Variants in CSNK1G3 observed in about 807,000 individuals in gnomAD.
The protein encoded by CSNK1G3 is casein kinase I isoform gamma-3.
In CSNK1G3, 23 loss-of-function variants were observed where a neutral mutation model predicts 64.3. The ratio of observed to expected loss-of-function variants is 0.36; its 90% CI spans 0.26 to 0.51. CSNK1G3 has a LOEUF of 0.51. Among genes scored for constraint, CSNK1G3 ranks in the 20% least tolerant of loss-of-function variants. The probability of loss-of-function intolerance (pLI) is 0.96; values close to 1 mark genes in which losing one functional copy is unlikely to be tolerated. For missense variants in CSNK1G3, 357 were observed against 510.5 expected (o/e 0.70, Z 2.90); for synonymous variants, 158 against 162.2 (o/e 0.97, Z 0.20).
intron 5 of CSNK1G3, among the ~76,000 whole-genome samples, chr5:123,575,247 T>A (rs573507833): frequency 6.6e-6 from 1 of 152,310 alleles, no homozygotes; most frequent in East Asian, 1.9e-4. Flanking sequence ...AAACATGTTA[T>A]GAAAAAGAAA....
intron 1 of CSNK1G3, among the ~76,000 whole-genome samples, chr5:123,534,695 G>A (rs1260336536): frequency 6.6e-6 from 1 of 152,140 alleles, no homozygotes; most frequent in Non-Finnish European, 1.5e-5. Flanking sequence ...GAGCTTGGAA[G>A]AGGATTTTTT....
At chr5:123,575,805 G>T in exon 6 of CSNK1G3, 2 of 1,613,448 alleles carry the variant, frequency 1.2e-6, no homozygotes, top group South Asian at 1.1e-5. Context: ...TTAATAGGAC[G>T]ACCAGGAAAC....
At chr5:123,526,742 G>C (rs1301591447) in intron 1 of CSNK1G3, among the ~76,000 whole-genome samples, 1 of 152,060 alleles carries the variant, frequency 6.6e-6, no homozygotes, top group African/African-American at 2.4e-5. Context: ...GCGAGTGTCA[G>C]TGGTTTCTTT....
chr5:123,612,062 C>G (rs1359063704), intron 12 of CSNK1G3, among the ~76,000 whole-genome samples: 1 of 152,128 alleles, frequency 6.6e-6, no homozygotes, highest in Non-Finnish European at 1.5e-5. Flanking sequence ...CAGCTCTTCT[C>G]TAGGCTCTTG....
At chr5:123,569,425 A>G (rs1054739050) in intron 4 of CSNK1G3, among the ~76,000 whole-genome samples, 7 of 152,198 alleles carry the variant, frequency 4.6e-5, no homozygotes, top group Admixed American at 3.9e-4. Flanking sequence ...AACTTTTTCT[A>G]TTCTCATACA....
intron 1 of CSNK1G3, among the ~76,000 whole-genome samples, chr5:123,514,797 C>A (rs1395901140): frequency 5.3e-5 from 8 of 151,696 alleles, no homozygotes. Flanking sequence ...TTGAACTGGA[C>A]ATAAGGCTGT....
At chr5:123,524,597 C>T (rs1440757840) in intron 1 of CSNK1G3, among the ~76,000 whole-genome samples, 2 of 152,018 alleles carry the variant, frequency 1.3e-5, no homozygotes, top group African/African-American at 2.4e-5. Context: ...GTTCCTATTC[C>T]CATACTTTGT....
chr5:123,593,230 T>C lies in CSNK1G3; in HGVS notation c.1086+1816T>C, dbSNP rs537734811. On this transcript the variant is annotated intron_variant, in intron 10 of 12. Transcript: ENST00000345990. ...ACACACACACACACACACACACACA[T>C]ATATATAATATTTAGGCAATTCTTT... 9.1e-3 allele frequency among the ~76,000 whole-genome samples: 1,072 copies of C among 117,180 alleles called. 7 individuals are homozygous for C. The highest frequency in any genetic ancestry group is 0.031 in the African/African-American group (945 of 30,556). 76.9% of individuals were successfully genotyped at this position (117,180 alleles called of 152,430 possible). A position where few individuals can be genotyped will look rare whatever the true frequency, so the allele number is the denominator to read the frequency against.
At chr5:123,542,937 C>A (rs1781921420) in intron 1 of CSNK1G3, among the ~76,000 whole-genome samples, 1 of 145,902 alleles carries the variant, frequency 6.9e-6, no homozygotes, top group Non-Finnish European at 1.5e-5. Context: ...TTTTTTTCCG[C>A]CCTCTTCTTT....
intron 4 of CSNK1G3, among the ~76,000 whole-genome samples, chr5:123,568,377 G>A (rs754496472): frequency 6.6e-6 from 1 of 152,112 alleles, no homozygotes; most frequent in Admixed American, 6.5e-5. Flanking sequence ...GGTTGTCACC[G>A]GTTGTCATGT....
chr5:123,567,183 A>G (rs1381323090), intron 4 of CSNK1G3, among the ~76,000 whole-genome samples: 2 of 152,248 alleles, frequency 1.3e-5, no homozygotes, highest in Non-Finnish European at 2.9e-5. Flanking sequence ...GGAAAGACCC[A>G]GTCCCATAAT....
chr5:123,593,621 A>T (rs898167057), intron 10 of CSNK1G3, among the ~76,000 whole-genome samples: 1 of 151,936 alleles, frequency 6.6e-6, no homozygotes, highest in Non-Finnish European at 1.5e-5. Flanking sequence ...TTATTCTTTG[A>T]TCTTGTCTAG....
At chr5:123,585,433 A>G (rs557854588) in intron 6 of CSNK1G3, among the ~76,000 whole-genome samples, 45 of 152,228 alleles carry the variant, frequency 3.0e-4, no homozygotes, top group Non-Finnish European at 5.9e-5. Flanking sequence ...TGGACATCAA[A>G]AAGTATAGAA....
At chr5:123,553,883 C>T (rs1238021805) in intron 3 of CSNK1G3, among the ~76,000 whole-genome samples, 1 of 152,170 alleles carries the variant, frequency 6.6e-6, no homozygotes, top group Non-Finnish European at 1.5e-5. Context: ...CTTTTTCATA[C>T]CATTGATGCC....
chr5:123,586,834 GAA>G (rs1360682531), intron 6 of CSNK1G3, among the ~76,000 whole-genome samples: 1 of 152,192 alleles, frequency 6.6e-6, no homozygotes, highest in African/African-American at 2.4e-5. Flanking sequence ...ATTTACAAAA[GAA>G]AGAGGTTTAA....
Position 123,555,452 on chromosome 5 carries a change from C to T in CSNK1G3, c.220-2043C>T, listed in dbSNP as rs146425997. On this transcript the variant is annotated intron_variant, in intron 3 of 12. Transcript: ENST00000345990. ...ACTTGAACATCTTATGTCTGCATAC[C>T]TCAGTGTTATCTGGCTTTTATACTT... Among the ~76,000 whole-genome samples the T allele has an allele frequency of 1.9e-4, 29 of 152,252 alleles. No individual in the cohort carries two copies. In the East Asian group the frequency reaches 5.2e-3, roughly 27 times the overall value.
At chr5:123,596,714 T>A (rs1177848287) in intron 10 of CSNK1G3, among the ~76,000 whole-genome samples, 1 of 152,172 alleles carries the variant, frequency 6.6e-6, no homozygotes, top group Non-Finnish European at 1.5e-5. Context: ...GTACTGAGAC[T>A]ACATCTGACT....
At chr5:123,530,868 T>C (rs1779810139) in intron 1 of CSNK1G3, among the ~76,000 whole-genome samples, 1 of 152,216 alleles carries the variant, frequency 6.6e-6, no homozygotes, top group South Asian at 2.1e-4. Flanking sequence ...CTTTTAAAAA[T>C]AAGTGTTTAT....
Position 123,586,568 on chromosome 5 carries a change from C to G in CSNK1G3, c.674-1500C>G, listed in dbSNP as rs529404084. ...TAAAAAGTACAAGAAATAAAAAAACCTCTCCGTTATATCACATTTTTAGCA... is the reference window on the plus strand; with the variant it reads ...TAAAAAGTACAAGAAATAAAAAAACGTCTCCGTTATATCACATTTTTAGCA... On this transcript the variant is annotated intron_variant, in intron 6 of 12. Transcript: ENST00000345990. Among the ~76,000 whole-genome samples, 71 of 152,024 alleles carry G rather than the reference C, an allele frequency of 4.7e-4. 1 individual carries two copies. The highest frequency in any genetic ancestry group is 6.8e-4 in the Non-Finnish European group (46 of 67,942).
Sources: allele counts gnomAD v4.1 joint callset (sites outside exome capture counted in the v4.1 genomes callset), GRCh38; gene constraint gnomAD v4.1.1; transcripts MANE v1.5; gene names NCBI Gene and HGNC (gene_info 2026-07-23, HGNC 2026-07-21).